Variants in PTPRT observed in about 807,000 individuals in gnomAD.
PTPRT encodes the protein receptor-type tyrosine-protein phosphatase T.
PTPRT carries 56 observed loss-of-function variants against 176.8 expected under a neutral mutation model. The ratio of observed to expected loss-of-function variants is 0.32; its 90% CI spans 0.26 to 0.40. The LOEUF (loss-of-function observed/expected upper bound fraction) is 0.40. PTPRT is among the 10% of genes least tolerant of loss of function. The probability of loss-of-function intolerance (pLI) is 1.00; values close to 1 mark genes in which losing one functional copy is unlikely to be tolerated. For synonymous variants in PTPRT, 783 were observed against 739.0 expected, an observed-to-expected ratio of 1.06 and a Z score of -0.96; for missense variants, 1,540 against 1,908.2, an observed-to-expected ratio of 0.81 and a Z score of 3.60.
rs148207756 is a variant in PTPRT at position 42,631,994 on chromosome 20, G to A, written c.1153+45872C>T. ...TGATTTATGGTGAATGCCTGTTTTT[G>A]TTCACCTGGGGCCCTGGTCATGCTG... On this transcript the variant is annotated intron_variant, in intron 7 of 30. Transcript: ENST00000373187. Among the ~76,000 whole-genome samples the A allele has an allele frequency of 1.8e-3, 269 of 152,174 alleles. 4 individuals are homozygous for A. The Middle Eastern group carries it at 0.024, about 13-fold the overall frequency.
At chr20:42,376,180 G>C (rs190254305) in intron 9 of PTPRT, among the ~76,000 whole-genome samples, 4 of 152,180 alleles carry the variant, frequency 2.6e-5, no homozygotes, top group Admixed American at 2.6e-4. Flanking sequence ...AGATGGAAAC[G>C]CTCCACCCTG....
intron 7 of PTPRT, among the ~76,000 whole-genome samples, chr20:42,551,306 G>A (rs982909936): frequency 2.0e-5 from 3 of 151,980 alleles, no homozygotes; most frequent in Non-Finnish European, 4.4e-5. Context: ...ACACTTCCCC[G>A]TGGGCTCATT....
At chr20:42,261,063 A>C (rs2056739328) in intron 13 of PTPRT, among the ~76,000 whole-genome samples, 1 of 152,172 alleles carries the variant, frequency 6.6e-6, no homozygotes, top group Admixed American at 6.5e-5. Context: ...TGTTATTACA[A>C]ATAACCACAA....
intron 7 of PTPRT, among the ~76,000 whole-genome samples, chr20:42,650,752 G>C (rs141881207): frequency 4.3e-4 from 66 of 152,244 alleles, no homozygotes; most frequent in Non-Finnish European, 8.2e-4. Context: ...TAAAGTAGAA[G>C]AGAAAAAGCA....
the PTPRT span, among the ~76,000 whole-genome samples, chr20:42,064,937 C>T: frequency 2.0e-5 from 3 of 152,224 alleles, no homozygotes; most frequent in Admixed American, 2.0e-4. Context: ...TTGGGACACT[C>T]ACTGTGGGTG....
rs891027469 is a variant in PTPRT at position 42,076,637 on chromosome 20, C to T, written c.*4242G>A. On this transcript the variant is annotated 3_prime_UTR_variant, in exon 31 of 31. Transcript: ENST00000373187. ...GCTCTGGGAGGCAGCAGGGTCACTG[C>T]TCCTAGAGTCAATTCTAGGGTCAAG... 1.0e-5 allele frequency: 2 copies of T among 195,372 alleles called. No homozygotes were observed. Among genetic ancestry groups the T allele is most frequent in the Admixed American group, 1.2e-4 (2 of 16,404 alleles). The allele number at this position is 195,372 out of a possible 1,614,324, so 12.1% of individuals were successfully genotyped here. A position where few individuals can be genotyped will look rare whatever the true frequency, so the allele number is the denominator to read the frequency against.
intron 6 of PTPRT, among the ~76,000 whole-genome samples, chr20:42,699,067 G>A (rs2075931849): frequency 6.6e-6 from 1 of 152,138 alleles, no homozygotes; most frequent in Non-Finnish European, 1.5e-5. Context: ...GTCTCATGAT[G>A]TTTTCTTTGC....
intron 1 of PTPRT, among the ~76,000 whole-genome samples, chr20:42,937,751 A>C (rs1180973871): frequency 6.6e-6 from 1 of 152,224 alleles, no homozygotes; most frequent in Non-Finnish European, 1.5e-5. Context: ...GTTTTTACAA[A>C]TATTATCCCA....
At chr20:43,139,713 C>A (rs1010768108) in intron 1 of PTPRT, among the ~76,000 whole-genome samples, 1 of 152,154 alleles carries the variant, frequency 6.6e-6, no homozygotes, top group African/African-American at 2.4e-5. Context: ...GTGGCCCAAG[C>A]TGGAAAACGG....
At chr20:42,212,394 T>C (rs1308690582) in intron 15 of PTPRT, among the ~76,000 whole-genome samples, 3 of 121,950 alleles carry the variant, frequency 2.5e-5, no homozygotes, top group Non-Finnish European at 5.1e-5. Flanking sequence ...AAAATAAAGA[T>C]GACCCAATTA....
intron 2 of PTPRT, among the ~76,000 whole-genome samples, chr20:42,809,451 C>G (rs576237498): frequency 3.9e-4 from 60 of 152,250 alleles, no homozygotes; most frequent in African/African-American, 1.4e-3. Flanking sequence ...AAGACAGAAA[C>G]CCTGGCTTGG....
At chr20:42,679,274 C>T (rs373564570) in intron 6 of PTPRT, among the ~76,000 whole-genome samples, 1 of 151,464 alleles carries the variant, frequency 6.6e-6, no homozygotes. Flanking sequence ...CTTGGGACAG[C>T]ATTATCACCT....
intron 22 of PTPRT, among the ~76,000 whole-genome samples, chr20:42,114,221 A>G (rs573832960): frequency 1.3e-5 from 2 of 152,342 alleles, no homozygotes; most frequent in South Asian, 2.1e-4. Context: ...GGTTGTACCA[A>G]CCTTGCAGCT....
chr20:42,972,465 C>T (rs1012385727), intron 1 of PTPRT, among the ~76,000 whole-genome samples: 29 of 151,368 alleles, frequency 1.9e-4, no homozygotes, highest in African/African-American at 6.8e-4. Flanking sequence ...AGTTCGAGAC[C>T]TGCCTGGCCA....
At chr20:42,756,671 C>A (rs765654909) in intron 5 of PTPRT, 35 bp from the exon 6 acceptor site, 43 of 1,501,036 alleles carry the variant, frequency 2.9e-5, no homozygotes, top group Non-Finnish European at 3.7e-5. Flanking sequence ...GAGGAGGAAT[C>A]ATAGCATCAT....
Position 42,579,129 on chromosome 20 carries a change from A to G in PTPRT, c.1153+98737T>C, listed in dbSNP as rs1470219017. On this transcript the variant is annotated intron_variant, in intron 7 of 30. Transcript: ENST00000373187. ...TGTGTCCATGTGTTCTCATTGATCA[A>G]TTCCCACCTATGAGTGAGAATATGC... Among the ~76,000 whole-genome samples the G allele has an allele frequency of 2.9e-5, 4 of 139,482 alleles. No homozygotes were observed. In the East Asian group the frequency reaches 6.3e-4, roughly 22 times the overall value. 91.5% of individuals were successfully genotyped at this position (139,482 alleles called of 152,430 possible).
At chr20:42,869,261 A>T (rs962504159) in intron 2 of PTPRT, among the ~76,000 whole-genome samples, 5 of 152,140 alleles carry the variant, frequency 3.3e-5, no homozygotes, top group Admixed American at 6.5e-5. Flanking sequence ...TCAGACCTGT[A>T]GAGCCACCAT....
At chr20:42,997,391 C>T (rs752973429) in intron 1 of PTPRT, among the ~76,000 whole-genome samples, 4 of 152,090 alleles carry the variant, frequency 2.6e-5, no homozygotes, top group Non-Finnish European at 5.9e-5. Flanking sequence ...ACACAGCCTC[C>T]ATACTGTGAG....
At chr20:42,355,673 T>C (rs1600881946) in intron 9 of PTPRT, among the ~76,000 whole-genome samples, 1 of 152,118 alleles carries the variant, frequency 6.6e-6, no homozygotes, top group Non-Finnish European at 1.5e-5. Flanking sequence ...AAAGGGGAGA[T>C]GTACAGACAG....
Sources: gnomAD v4.1 joint callset for allele counts (sites outside exome capture counted in the v4.1 genomes callset) on GRCh38, gnomAD v4.1.1 for gene constraint, MANE v1.5 for transcripts, NCBI Gene and HGNC (gene_info 2026-07-23, HGNC 2026-07-21) for gene names.